Variants in GPC6 observed in about 807,000 individuals in gnomAD.
GPC6 encodes glypican 6.
A neutral mutation model predicts 55.2 loss-of-function variants in GPC6; 14 were observed. That is an observed-to-expected ratio of 0.25 (90% CI 0.17 to 0.40). The LOEUF is 0.40. Among genes scored for constraint, GPC6 ranks in the 10% least tolerant of loss-of-function variants. GPC6 has a pLI of 1.00. For missense variants in GPC6, 641 were observed against 708.5 expected (o/e 0.90, Z 1.08); for synonymous variants, 278 against 259.6 (o/e 1.07, Z -0.68).
intron 2 of GPC6, among the ~76,000 whole-genome samples, chr13:93,636,590 A>G (rs1398481994): frequency 6.6e-6 from 1 of 152,178 alleles, no homozygotes; most frequent in African/African-American, 2.4e-5. Context: ...ACCAGCAGCT[A>G]TAAGAGCCAC....
At chr13:93,699,475 GTGGTCAGTCA>G (rs1430840427) in intron 2 of GPC6, among the ~76,000 whole-genome samples, 3 of 152,092 alleles carry the variant, frequency 2.0e-5, no homozygotes, top group Non-Finnish European at 4.4e-5. Context: ...GTACAGAGAG[GTGGTCAGTCA>G]TACACAGAAT....
intron 2 of GPC6, among the ~76,000 whole-genome samples, chr13:93,817,946 T>C (rs1172812715): frequency 6.8e-6 from 1 of 148,128 alleles, no homozygotes; most frequent in African/African-American, 2.5e-5. Flanking sequence ...TATAATTTAT[T>C]AGTTATACCT....
At chr13:94,118,528 A>AT (rs200537164) in intron 4 of GPC6, among the ~76,000 whole-genome samples, 8,515 of 152,090 alleles carry the variant, frequency 0.056, 805 homozygotes, top group African/African-American at 0.2. Context: ...CACTTTTGCC[A>AT]ATCCCAAATC....
At chr13:93,623,455 C>CTTTTCTTTTCTTT (rs1555317483) in intron 2 of GPC6, among the ~76,000 whole-genome samples, 3 of 116,192 alleles carry the variant, frequency 2.6e-5, no homozygotes, top group Non-Finnish European at 3.5e-5. Flanking sequence ...CTTTTCTTTT[C>CTTTTCTTTTCTTT]TTTTTTTTTT....
chr13:93,254,059 C>T (rs775623206), intron 1 of GPC6, among the ~76,000 whole-genome samples: 2 of 152,026 alleles, frequency 1.3e-5, no homozygotes, highest in Non-Finnish European at 2.9e-5. Flanking sequence ...CATGGTGGCT[C>T]ACGCCTATAA....
chr13:93,889,708 G>A (rs1875552136), intron 3 of GPC6, among the ~76,000 whole-genome samples: 1 of 152,114 alleles, frequency 6.6e-6, no homozygotes, highest in African/African-American at 2.4e-5. Context: ...TCAGCGAAAA[G>A]TCAAAGGTTT....
At chr13:94,246,625 C>T (rs937903305) in intron 4 of GPC6, among the ~76,000 whole-genome samples, 1 of 152,070 alleles carries the variant, frequency 6.6e-6, no homozygotes, top group Non-Finnish European at 1.5e-5. Flanking sequence ...TCTACTTTCT[C>T]CATTGTGTCT....
chr13:93,699,604 A>G (rs547395440), intron 2 of GPC6, among the ~76,000 whole-genome samples: 7 of 152,202 alleles, frequency 4.6e-5, no homozygotes, highest in African/African-American at 1.4e-4. Flanking sequence ...ACTTTTTATA[A>G]ATAATATTTT....
At chr13:94,329,035 G>A (rs142190387) in intron 6 of GPC6, among the ~76,000 whole-genome samples, 1 of 152,172 alleles carries the variant, frequency 6.6e-6, no homozygotes, top group African/African-American at 2.4e-5. Flanking sequence ...ACCCCGGGGG[G>A]GGCTGAAATG....
At chr13:94,074,950 A>T (rs1176943957) in intron 4 of GPC6, among the ~76,000 whole-genome samples, 1 of 152,184 alleles carries the variant, frequency 6.6e-6, no homozygotes, top group Non-Finnish European at 1.5e-5. Context: ...TAGTTATATA[A>T]ATTTTTTAAC....
chr13:93,806,831 C>T (rs1010440114), intron 2 of GPC6, among the ~76,000 whole-genome samples: 12 of 152,162 alleles, frequency 7.9e-5, no homozygotes, highest in Non-Finnish European at 1.6e-4. Flanking sequence ...ACTCTAATTG[C>T]TTCATAGATG....
At chr13:93,685,144 T>C (rs942016749) in intron 2 of GPC6, among the ~76,000 whole-genome samples, 5 of 152,244 alleles carry the variant, frequency 3.3e-5, no homozygotes, top group African/African-American at 9.6e-5. Context: ...ATTTTCTCTT[T>C]CATTTGAGAG....
intron 2 of GPC6, among the ~76,000 whole-genome samples, chr13:93,801,514 C>T (rs889217428): frequency 6.6e-6 from 1 of 152,094 alleles, no homozygotes; most frequent in Non-Finnish European, 1.5e-5. Context: ...TATGCTTTGT[C>T]CTGCTCACTC....
At chr13:94,365,369 T>C (rs1879244526) in intron 6 of GPC6, among the ~76,000 whole-genome samples, 1 of 152,186 alleles carries the variant, frequency 6.6e-6, no homozygotes, top group Admixed American at 6.5e-5. Context: ...TCCCTTAGGC[T>C]AAAATCTTTG....
intron 3 of GPC6, among the ~76,000 whole-genome samples, chr13:93,866,966 ATCT>A (rs1157502408): frequency 2.0e-5 from 3 of 151,804 alleles, no homozygotes. Flanking sequence ...ACAAAGGAAC[ATCT>A]TCTGTCTTAT....
chr13:93,827,757 C>T (rs1320116408), intron 2 of GPC6, among the ~76,000 whole-genome samples: 2 of 152,116 alleles, frequency 1.3e-5, no homozygotes, highest in African/African-American at 2.4e-5. Context: ...GGTTTCTATA[C>T]TCAATCACAA....
intron 2 of GPC6, among the ~76,000 whole-genome samples, chr13:93,825,941 A>G (rs1264932961): frequency 6.8e-6 from 1 of 147,134 alleles, no homozygotes; most frequent in Non-Finnish European, 1.5e-5. Flanking sequence ...GCTCATTGCA[A>G]CCTCCGCTTC....
chr13:94,085,068 A>C (rs1257694956), intron 4 of GPC6, among the ~76,000 whole-genome samples: 1 of 152,120 alleles, frequency 6.6e-6, no homozygotes, highest in African/African-American at 2.4e-5. Context: ...TCACACCTGT[A>C]ATCCCAGCAC....
chr13:93,617,457 G>C (rs1046596177), intron 2 of GPC6, among the ~76,000 whole-genome samples: 24 of 152,164 alleles, frequency 1.6e-4, no homozygotes, highest in Admixed American at 1.4e-3. Context: ...AACTTAAATA[G>C]ATAAAGCAAC....
Sources: gnomAD v4.1 joint callset for allele counts (sites outside exome capture counted in the v4.1 genomes callset) on GRCh38, gnomAD v4.1.1 for gene constraint, MANE v1.5 for transcripts, NCBI Gene and HGNC (gene_info 2026-07-23, HGNC 2026-07-21) for gene names.